Variants in SYTL4 observed in about 807,000 individuals in gnomAD.
SYTL4 encodes the protein synaptotagmin like 4, also known as synaptotagmin-like protein 4.
SYTL4 carries 16 observed loss-of-function variants against 52.7 expected under a neutral mutation model. The observed-to-expected ratio is 0.30, with a 90% CI of 0.21 to 0.46. The LOEUF is 0.46. Ranked by LOEUF, SYTL4 falls within the 20% of genes least tolerant of loss-of-function variation. The pLI is 1.00. For missense variants in SYTL4, 423 were observed against 519.9 expected, an observed-to-expected ratio of 0.81 and a Z score of 1.81; for synonymous variants, 160 against 186.6, an observed-to-expected ratio of 0.86 and a Z score of 1.16.
At chrX:100,701,149 G>A (rs2083841948) in intron 7 of SYTL4, 71 bp downstream of exon 7, 5 of 932,994 alleles carry the variant, frequency 5.4e-6, no homozygotes, top group Non-Finnish European at 7.7e-6. Flanking sequence ...TGAGCCCATG[G>A]AGTTAAGATG....
chrX:100,715,251 A>T (rs57357409), intron 2 of SYTL4, among the ~76,000 whole-genome samples: 2,700 of 111,593 alleles, frequency 0.024, 39 homozygotes, highest in South Asian at 0.11. Context: ...TCGAACTCTT[A>T]GACTCAAGTG....
intron 12 of SYTL4, among the ~76,000 whole-genome samples, chrX:100,688,999 C>A (rs2083531459): frequency 9.0e-6 from 1 of 111,222 alleles, no homozygotes; most frequent in South Asian, 3.8e-4. Context: ...TTCCATTTGA[C>A]TTTCCCCAAC....
intron 2 of SYTL4, among the ~76,000 whole-genome samples, chrX:100,716,279 G>A (rs892492990): frequency 1.3e-4 from 14 of 106,187 alleles, no homozygotes; most frequent in Non-Finnish European, 1.9e-4. Flanking sequence ...GAGAAACTCC[G>A]TCTCTACTAA....
At chrX:100,676,926 G>A (rs1569368974) in intron 19 of SYTL4, among the ~76,000 whole-genome samples, 3 of 112,037 alleles carry the variant, frequency 2.7e-5, no homozygotes, top group Non-Finnish European at 3.8e-5. Flanking sequence ...CCTACTGTGT[G>A]CCAGGTACTC....
chrX:100,700,827 A>C (rs757695891), intron 8 of SYTL4, 70 bp downstream of exon 8: 1 of 817,210 alleles, frequency 1.2e-6, no homozygotes, highest in African/African-American at 2.1e-5. Context: ...AAACAGAAGA[A>C]GTAAAAAGAA....
At chrX:100,697,092 C>T in intron 8 of SYTL4, among the ~76,000 whole-genome samples, 1 of 111,990 alleles carries the variant, frequency 8.9e-6, no homozygotes, top group South Asian at 3.7e-4. Context: ...AACAGAAGTC[C>T]TCAAGATTTA....
At chrX:100,726,441 G>A (rs769844290) in intron 2 of SYTL4, among the ~76,000 whole-genome samples, 10 of 110,229 alleles carry the variant, frequency 9.1e-5, no homozygotes, top group South Asian at 4.0e-4. Flanking sequence ...TGTTGGGGGC[G>A]GAGGGGCTCT....
chrX:100,714,564 T>A (rs922511645), intron 2 of SYTL4, among the ~76,000 whole-genome samples: 1 of 111,607 alleles, frequency 9.0e-6, no homozygotes, highest in Non-Finnish European at 1.9e-5. Context: ...TGGCCAAGGT[T>A]TTTTAATAGA....
At chrX:100,702,745 T>C (rs1191126409) in intron 4 of SYTL4, among the ~76,000 whole-genome samples, 3 of 112,523 alleles carry the variant, frequency 2.7e-5, no homozygotes, top group Non-Finnish European at 5.6e-5. Context: ...GATACAAAGA[T>C]GAGTAAGGCA....
intron 16 of SYTL4, among the ~76,000 whole-genome samples, chrX:100,681,785 A>G (rs1294549096): frequency 8.9e-6 from 1 of 112,473 alleles, no homozygotes; most frequent in African/African-American, 3.2e-5. Context: ...GGCATATGGC[A>G]TGCAGTCATC....
chrX:100,707,774 C>T (rs1047939212), intron 2 of SYTL4, among the ~76,000 whole-genome samples: 1 of 111,059 alleles, frequency 9.0e-6, no homozygotes, highest in Non-Finnish European at 1.9e-5. Context: ...GTCAAAAAGG[C>T]AAGATTATCT....
chrX:100,694,691 T>C (rs1480893855), intron 8 of SYTL4, among the ~76,000 whole-genome samples: 1 of 112,015 alleles, frequency 8.9e-6, no homozygotes, highest in East Asian at 2.8e-4. Context: ...AGGCCTTGTA[T>C]TCACCAGTGT....
chrX:100,679,923 C>A (rs1278416857), intron 17 of SYTL4, among the ~76,000 whole-genome samples: 1 of 111,813 alleles, frequency 8.9e-6, no homozygotes, highest in Non-Finnish European at 1.9e-5. Flanking sequence ...ATACTAATCT[C>A]ATCTCTTTGA....
chrX:100,715,529 G>A (rs777976414), intron 2 of SYTL4, among the ~76,000 whole-genome samples: 1 of 111,737 alleles, frequency 8.9e-6, no homozygotes, highest in South Asian at 3.8e-4. Context: ...TATGATGTAT[G>A]TTAATTAGGA....
chrX:100,718,418 T>C (rs767902788), intron 2 of SYTL4, among the ~76,000 whole-genome samples: 1 of 111,413 alleles, frequency 9.0e-6, no homozygotes, highest in African/African-American at 3.3e-5. Flanking sequence ...TCAAAAAATA[T>C]CATAAATTTT....
Position 100,713,220 on chromosome X carries a change from G to A in SYTL4, c.-239-8334C>T, listed in dbSNP as rs187265486. ...AGCACTTTGGGAGGCCAAGGTGGGC[G>A]GATCGCTTGAGGTCAGGAATTTGAA... is the stretch of plus-strand genomic sequence containing the variant. On this transcript the variant is annotated intron_variant, in intron 2 of 19. Coordinates refer to ENST00000372989, the MANE Select transcript of SYTL4 (RefSeq NM_001370165.1). 4.5e-5 allele frequency among the ~76,000 whole-genome samples: 5 copies of A among 112,199 alleles called. No homozygotes were observed. In the East Asian group the frequency reaches 8.4e-4, roughly 19 times the overall value.
chrX:100,701,539 C>A lies in SYTL4; in HGVS notation c.245G>T (p.Gly82Val). 8.3e-7 allele frequency: 1 copy of A among 1,211,671 alleles called. No homozygotes were observed. Among genetic ancestry groups the A allele is most frequent in the Non-Finnish European group, 1.1e-6 (1 of 895,486 alleles). ...GTCCCGACACACCAGGTGATTACAA[C>A]CCCGACAAGTATTGGTTTTGGGACT... Reference protein sequence around the residue: ...RLSPKTNTCRGCNHLVCRDCR... With the variant: ...RLSPKTNTCRVCNHLVCRDCR... Residue 82 changes from glycine to valine, a missense_variant, in exon 6 of 20, where the codon GGT (glycine) becomes GTT (valine). Physicochemically the swap from Gly to Val is moderately radical, Grantham distance 109 (BLOSUM62 -3). Transcript: ENST00000372989.
intron 17 of SYTL4, among the ~76,000 whole-genome samples, chrX:100,680,311 T>C (rs2083350043): frequency 9.0e-6 from 1 of 111,623 alleles, no homozygotes; most frequent in African/African-American, 3.3e-5. Context: ...TCTGGTTCTA[T>C]ACTTGCCTCT....
At chrX:100,701,159 G>A in intron 7 of SYTL4, 61 bp downstream of exon 7, 1 of 991,645 alleles carries the variant, frequency 1.0e-6, no homozygotes, top group Non-Finnish European at 1.4e-6. Flanking sequence ...GAGTTAAGAT[G>A]CTACCAGTCA....
Sources: gnomAD v4.1 joint callset for allele counts (sites outside exome capture counted in the v4.1 genomes callset) on GRCh38, gnomAD v4.1.1 for gene constraint, MANE v1.5 for transcripts, NCBI Gene and HGNC (gene_info 2026-07-23, HGNC 2026-07-21) for gene names.